The following ITGB4 variants were observed in gnomAD, a reference collection of about 807,000 sequenced individuals.
The protein encoded by ITGB4 is integrin beta-4.
In ITGB4, 159 loss-of-function variants were observed where a neutral mutation model predicts 207.6. The ratio of observed to expected loss-of-function variants is 0.77; its 90% CI spans 0.67 to 0.87. The LOEUF is 0.87. Among genes scored for constraint, ITGB4 ranks in the 40% least tolerant of loss-of-function variants. ITGB4 has a pLI of 0.00. For synonymous variants in ITGB4, 1,020 were observed against 1,062.7 expected, an observed-to-expected ratio of 0.96 and a Z score of 0.78; for missense variants, 2,278 against 2,546.8, an observed-to-expected ratio of 0.89 and a Z score of 2.27.
In ITGB4 at chr17:75,752,536, C is replaced by T. The variant is rs376560109; in HGVS notation, c.4067C>T (p.Ser1356Phe). The change falls in exon 32 of 40, where the codon TCT becomes TTT. Residue 1356 changes from serine to phenylalanine, a missense_variant. Transcript: ENST00000200181. ...ATGTACAGCGATGACGTTCTACGCT[C>T]TCCATCGGGCAGCCAGAGGCCCAGC... ...FLMYSDDVLR[S>F]PSGSQRPSVS... 54 of 1,613,524 alleles carry T rather than the reference C, an allele frequency of 3.3e-5. No individual in the cohort carries two copies. The highest frequency in any genetic ancestry group is 5.3e-5 in the African/African-American group (4 of 74,946).
chr17:75,729,158 CAAA>C lies in ITGB4; in HGVS notation c.567-92_567-90del, dbSNP rs56375128. ...TGGGTGATAAAGCGAGACTTGGTCT[CAAA>C]AAAAAAAAAAAAAATTCTCCTTCTA... On this transcript the variant is annotated intron_variant, in intron 6 of 39. Transcript: ENST00000200181. This position sits in a 1 kb window ranked among gnomAD's most constrained non-coding sequence, Gnocchi z 4.4. 1,812 of 785,410 alleles carry C rather than the reference CAAA, an allele frequency of 2.3e-3. No individual in the cohort carries two copies. Among genetic ancestry groups the C allele is most frequent in the South Asian group, 4.5e-3 (220 of 49,168 alleles). The allele number at this position is 785,410 out of a possible 1,614,324, so 48.7% of individuals were successfully genotyped here. A position where few individuals can be genotyped will look rare whatever the true frequency, so the allele number is the denominator to read the frequency against.
chr17:75,724,338 C>T (rs1247254571), intron 1 of ITGB4, among the ~76,000 whole-genome samples: 1 of 152,216 alleles, frequency 6.6e-6, no homozygotes, highest in African/African-American at 2.4e-5. Context: ...CTGTCATGGC[C>T]AAGCCTGACC....
intron 25 of ITGB4, 88 bp from the exon 26 acceptor site, chr17:75,743,625 G>A: frequency 6.3e-7 from 1 of 1,575,824 alleles, no homozygotes; most frequent in Non-Finnish European, 8.7e-7. Flanking sequence ...CCTGGATTCT[G>A]GGCTGGGCTG....
intron 34 of ITGB4, chr17:75,755,147 C>T (rs199859829): frequency 5.0e-5 from 81 of 1,611,782 alleles, no homozygotes; most frequent in Non-Finnish European, 6.7e-5. Context: ...AGGGTTCCCC[C>T]CTTCCAGGGG....
At chr17:75,745,637 G>T (rs1378900902) in intron 26 of ITGB4, among the ~76,000 whole-genome samples, 1 of 152,086 alleles carries the variant, frequency 6.6e-6, no homozygotes, top group African/African-American at 2.4e-5. Flanking sequence ...CTAGCACTGT[G>T]GGAGGCCAAG....
Position 75,724,719 on chromosome 17 carries a change from C to T in ITGB4, c.16C>T (p.Pro6Ser), listed in dbSNP as rs747230853. MAGPR[P>S]SPWARLLLAA... ...GAGGAAGAGGATGGCAGGGCCACGC[C>T]CCAGCCCATGGGCCAGGCTGCTCCT... The change falls in exon 2 of 40, where the codon CCC becomes TCC. Residue 6 changes from proline (P) to serine (S), a missense_variant. Physicochemically the swap from Pro to Ser is moderately conservative, Grantham distance 74. Coordinates refer to ENST00000200181, the MANE Select transcript of ITGB4 (RefSeq NM_000213.5). 52 of 1,613,828 alleles carry T rather than the reference C, an allele frequency of 3.2e-5. No homozygotes were observed. The South Asian group carries it at 5.4e-4, about 17-fold the overall frequency.
Position 75,757,679 on chromosome 17 carries a change from G to A in ITGB4, c.*124G>A, listed in dbSNP as rs879301363. On this transcript the variant is annotated 3_prime_UTR_variant, in exon 40 of 40. Coordinates refer to ENST00000200181, the MANE Select transcript of ITGB4 (RefSeq NM_000213.5). ...CAGCCCACCCGCATGCACAGAGCAGGGGCTAGGTGTCTCCTGGGAGGCATG... is the reference window on the plus strand; with the variant it reads ...CAGCCCACCCGCATGCACAGAGCAGAGGCTAGGTGTCTCCTGGGAGGCATG... 3.7e-6 allele frequency: 5 copies of A among 1,348,346 alleles called. No homozygotes were observed. Among genetic ancestry groups the A allele is most frequent in the Non-Finnish European group, 5.3e-6 (5 of 949,632 alleles). 83.5% of individuals were successfully genotyped at this position (1,348,346 alleles called of 1,614,324 possible).
chr17:75,754,894 G>A (rs1294348822), intron 34 of ITGB4, 79 bp downstream of exon 34: 3 of 1,596,722 alleles, frequency 1.9e-6, no homozygotes, highest in South Asian at 1.1e-5. Context: ...GCTTCTGTCT[G>A]CTGTCCCCAC....
intron 30 of ITGB4, 136 bp downstream of exon 30, chr17:75,751,247 A>T: frequency 9.3e-7 from 1 of 1,079,604 alleles, no homozygotes; most frequent in Admixed American, 2.1e-5. Flanking sequence ...TGGTCAGCGG[A>T]TAAGCCTGAG....
chr17:75,752,626 C>G (rs145269512), intron 32 of ITGB4, 49 bp downstream of exon 32: 1 of 1,609,288 alleles, frequency 6.2e-7, no homozygotes, highest in South Asian at 1.1e-5. Flanking sequence ...GTCTTGGGTA[C>G]AGAGTGAGTC....
intron 25 of ITGB4, among the ~76,000 whole-genome samples, chr17:75,743,083 TC>T (rs2143160417): frequency 6.6e-6 from 1 of 152,160 alleles, no homozygotes; most frequent in East Asian, 1.9e-4. Flanking sequence ...TGACCCCTCC[TC>T]CCACCTGTGC....
rs763046755 is a variant in ITGB4, at chr17:75,756,487, C to T, written c.4767C>T (p.Asp1589=). Residue 1589 remains aspartate (D), a synonymous_variant, in exon 36 of 40, where the codon GAC becomes GAT. Transcript: ENST00000200181. ...NPAQTSVVVE[D]LLPNHSYVFR... is the part of the protein sequence containing the mutation. Reference sequence around the variant, plus strand: ...CCCAGACCTCGGTGGTGGTGGAAGACCTCCTGCCCAACCACTCCTACGTGT... The same window carrying T: ...CCCAGACCTCGGTGGTGGTGGAAGATCTCCTGCCCAACCACTCCTACGTGT... 15 of 1,613,158 alleles carry T rather than the reference C, an allele frequency of 9.3e-6. No individual in the cohort carries two copies. The highest frequency in any genetic ancestry group is 2.7e-5 in the African/African-American group (2 of 74,892).
At chr17:75,754,482 G>A in intron 33 of ITGB4, 94 bp from the exon 34 acceptor site, 1 of 1,521,716 alleles carries the variant, frequency 6.6e-7, no homozygotes, top group Non-Finnish European at 9.1e-7. Flanking sequence ...GCCACCCAGA[G>A]GGTGGGTGAC....
intron 5 of ITGB4, 133 bp from the exon 6 acceptor site, chr17:75,728,244 C>A: frequency 2.7e-6 from 2 of 738,750 alleles, no homozygotes. Flanking sequence ...ATGTTGTGAG[C>A]ATGAACCTTT....
chr17:75,750,165 A>T lies in ITGB4; in HGVS notation c.3371A>T (p.His1124Leu). Reference sequence around the variant, plus strand: ...ATGTTGTCATCACAGCCACCCCCTCACGGCGACCTGGGCGCCCCGCAGAAC... The same window carrying T: ...ATGTTGTCATCACAGCCACCCCCTCTCGGCGACCTGGGCGCCCCGCAGAAC... ...SQMLSSQPPP[H>L]GDLGAPQNPN... Residue 1124 changes from histidine (H) to leucine (L), a missense_variant, in exon 28 of 40, where the codon CAC becomes CTC. Coordinates refer to ENST00000200181, the MANE Select transcript of ITGB4 (RefSeq NM_000213.5). This position sits in a 1 kb window ranked among gnomAD's most constrained non-coding sequence, Gnocchi z 5.5. 1 of 1,613,718 alleles carries T rather than the reference A, an allele frequency of 6.2e-7. No individual in the cohort carries two copies. The highest frequency in any genetic ancestry group is 1.3e-5 in the African/African-American group (1 of 75,006).
At position 75,729,230 on chromosome 17, in the gene ITGB4, CT is replaced by C. The variant is rs755156399; in HGVS notation, c.567-34del. 1.2e-4 allele frequency: 192 copies of C among 1,608,218 alleles called. 2 individuals are homozygous for C. Among genetic ancestry groups the C allele is most frequent in the Non-Finnish European group, 6.4e-5 (75 of 1,175,222 alleles). ...CACTGGGGTCTGCGGCGTCTTCCCC[CT>C]GTGACACTCTCTCTCCCTCCCACCT... On this transcript the variant is annotated intron_variant, in intron 6 of 39. Transcript: ENST00000200181. The surrounding 1 kb of genome is among the most constrained non-coding windows in gnomAD (Gnocchi z 4.4).
In ITGB4 at chr17:75,733,481, C is replaced by T; in HGVS notation, c.1455-9C>T. 1 of 1,612,454 alleles carries T rather than the reference C, an allele frequency of 6.2e-7. No homozygotes were observed. The highest frequency in any genetic ancestry group is 8.5e-7 in the Non-Finnish European group (1 of 1,179,850). On this transcript the variant is annotated splice_polypyrimidine_tract_variant and intron_variant, in intron 12 of 39. Transcript: ENST00000200181. Reference sequence around the variant, plus strand: ...GGCTGTTTCGGGGAATGACCAGTTCCTCCTTCAGGAGTGGCCAGACCTGCA... The same window carrying T: ...GGCTGTTTCGGGGAATGACCAGTTCTTCCTTCAGGAGTGGCCAGACCTGCA...
At position 75,756,457 on chromosome 17, in the gene ITGB4, C is replaced by A; in HGVS notation, c.4737C>A (p.Asn1579Lys). 6.2e-7 allele frequency: 1 copy of A among 1,613,378 alleles called. No homozygotes were observed. Among genetic ancestry groups the A allele is most frequent in the African/African-American group, 1.3e-5 (1 of 75,028 alleles). ...AGCTGCATCGGCTCAACATCCCCAA[C>A]CCTGCCCAGACCTCGGTGGTGGTGG... ...GGELHRLNIP[N>K]PAQTSVVVED... The change falls in exon 36 of 40, where the codon AAC becomes AAA. Residue 1579 changes from asparagine (N) to lysine (K), a missense_variant. Transcript: ENST00000200181.
intron 27 of ITGB4, among the ~76,000 whole-genome samples, chr17:75,749,909 A>G (rs1389374021): frequency 2.0e-5 from 3 of 152,016 alleles, no homozygotes; most frequent in African/African-American, 7.2e-5. Context: ...TCCTCCAGAG[A>G]CCCTCCTGGG....
Sources: gnomAD v4.1 joint callset for allele counts (sites outside exome capture counted in the v4.1 genomes callset) on GRCh38, gnomAD v4.1.1 for gene constraint, Gnocchi (gnomAD v3.1) non-coding constraint, MANE v1.5 for transcripts, NCBI Gene and HGNC (gene_info 2026-07-23, HGNC 2026-07-21) for gene names.